Variants in TBC1D10A observed in about 807,000 individuals in gnomAD.
The protein encoded by TBC1D10A is TBC1 domain family member 10A, also known as EBP50-PDX interactor of 64 kDa.
A neutral mutation model predicts 52.9 loss-of-function variants in TBC1D10A; 24 were observed. The ratio of observed to expected loss-of-function variants is 0.45; its 90% confidence interval spans 0.33 to 0.64. The LOEUF (loss-of-function observed/expected upper bound fraction) is 0.64, where lower values mean the gene tolerates loss of function less well. TBC1D10A is among the 30% of genes least tolerant of loss of function. The pLI is 0.02. For synonymous variants in TBC1D10A, 278 were observed against 282.9 expected (o/e 0.98, Z 0.17); for missense variants, 602 against 687.9 (o/e 0.88, Z 1.40).
intron 1 of TBC1D10A, among the ~76,000 whole-genome samples, chr22:30,314,787 G>A (rs1930499022): frequency 6.6e-6 from 1 of 151,088 alleles, no homozygotes; most frequent in Admixed American, 6.6e-5. Flanking sequence ...CTCCAGCCTG[G>A]GTGAGAGAGG....
Position 30,295,119 on chromosome 22 carries a change from A to C in TBC1D10A, c.525-64T>G. 2.0e-6 allele frequency: 3 copies of C among 1,520,194 alleles called. No homozygotes were observed. In the South Asian group the frequency reaches 3.4e-5, roughly 17 times the overall value. The allele number at this position is 1,520,194 out of a possible 1,614,324, so 94.2% of individuals were successfully genotyped here. ...ACTCTGCTACCCACGGCCTTCACCT[A>C]TGCCCCAGTGGACCAGCCAGCCTCA... On this transcript the variant is annotated intron_variant, in intron 4 of 8. Transcript: ENST00000215790.
At position 30,299,449 on chromosome 22, in the gene TBC1D10A, A is replaced by C. The variant is rs750757107; in HGVS notation, c.412T>G (p.Phe138Val). Reference sequence around the variant, plus strand: ...GCAAAGGAAGGGAAACTTACGTCAAACTTTCCAGGGTTCTGCTGTAACTTC... The same window carrying C: ...GCAAAGGAAGGGAAACTTACGTCAACCTTTCCAGGGTTCTGCTGTAACTTC... The part of the protein sequence containing the change: ...KVKLQQNPGK[F>V]DELDMSPGDP... The change falls in exon 3 of 9, where the codon TTT becomes GTT. Residue 138 changes from phenylalanine (F) to valine (V), a missense_variant. Around this residue, in one of 3 missense-constraint regions of TBC1D10A, gnomAD observed 201 missense variants for 204.4 expected, o/e 0.98. Transcript: ENST00000215790. The C allele has an allele frequency of 6.2e-7, 1 of 1,614,040 alleles. No individual in the cohort carries two copies. Among genetic ancestry groups the C allele is most frequent in the South Asian group, 1.1e-5 (1 of 91,068 alleles).
intron 2 of TBC1D10A, among the ~76,000 whole-genome samples, chr22:30,302,834 C>A (rs145201414): frequency 6.6e-6 from 1 of 152,326 alleles, no homozygotes; most frequent in African/African-American, 2.4e-5. Context: ...TTCAAGAACA[C>A]GGAAGGTCCC....
intron 1 of TBC1D10A, among the ~76,000 whole-genome samples, chr22:30,325,932 G>T (rs2145790063): frequency 6.6e-6 from 1 of 152,242 alleles, no homozygotes; most frequent in South Asian, 2.1e-4. Context: ...GGGGCTCCCT[G>T]TCGCCCTGTA....
In TBC1D10A at chr22:30,304,668, G is replaced by A. The variant is rs199562987; in HGVS notation, c.210-38C>T. On this transcript the variant is annotated intron_variant, in intron 1 of 8. Coordinates refer to ENST00000215790, the MANE Select transcript of TBC1D10A (RefSeq NM_031937.3). ...GGGCAGGGCCTGTGAGAGGTGCCAA[G>A]GGAAGCAAAGGCCCTGGCTTCATTC... 1.0e-5 allele frequency: 16 copies of A among 1,605,508 alleles called. No homozygotes were observed. The East Asian group carries it at 2.9e-4, about 29-fold the overall frequency.
chr22:30,311,565 T>A (rs1029608121), intron 1 of TBC1D10A, among the ~76,000 whole-genome samples: 1 of 152,144 alleles, frequency 6.6e-6, no homozygotes, highest in African/African-American at 2.4e-5. Context: ...GCTGGGTCAG[T>A]GCACAATGGT....
Position 30,294,017 on chromosome 22 carries a change from G to A in TBC1D10A, c.799C>T (p.Pro267Ser). The change falls in exon 7 of 9, where the codon CCG becomes TCG. Residue 267 changes from proline (P) to serine (S), a missense_variant. This residue lies in a region of TBC1D10A where 136 missense variants were observed against 208.4 expected (regional missense o/e 0.65). Transcript: ENST00000215790. ...HKHLSRQKID[P>S]LLYMTEWFMC... is the part of the protein sequence containing the mutation. The stretch of plus-strand genomic sequence containing the variant: ...AACCATTCTGTCATATAGAGGAGCG[G>A]GTCGATCTTCTGACGGCTGAGGTGC... The A allele has an allele frequency of 1.9e-6, 3 of 1,614,160 alleles. No homozygotes were observed. The highest frequency in any genetic ancestry group is 2.5e-6 in the Non-Finnish European group (3 of 1,180,032).
intron 2 of TBC1D10A, 52 bp from the exon 3 acceptor site, chr22:30,299,603 T>G: frequency 1.9e-6 from 3 of 1,565,530 alleles, no homozygotes; most frequent in Non-Finnish European, 2.6e-6. Context: ...GCAGCTCCCC[T>G]AGCCCAGCCC....
At chr22:30,304,254 G>A (rs1037921944) in intron 2 of TBC1D10A, among the ~76,000 whole-genome samples, 1 of 152,216 alleles carries the variant, frequency 6.6e-6, no homozygotes, top group Admixed American at 6.5e-5. Flanking sequence ...CCCCTGGGAA[G>A]GCTAGAAGAA....
chr22:30,309,117 G>C (rs947445621), intron 1 of TBC1D10A, among the ~76,000 whole-genome samples: 2 of 152,258 alleles, frequency 1.3e-5, no homozygotes, highest in East Asian at 3.9e-4. Context: ...CCCTCCTCCA[G>C]TGTTGTGACT....
At chr22:30,299,640 G>A in intron 2 of TBC1D10A, 89 bp from the exon 3 acceptor site, 1 of 1,195,706 alleles carries the variant, frequency 8.4e-7, no homozygotes, top group Non-Finnish European at 1.2e-6. Flanking sequence ...TGGGCCCTCA[G>A]TGCACACAGC....
chr22:30,303,636 G>A (rs1473257432), intron 2 of TBC1D10A, among the ~76,000 whole-genome samples: 2 of 152,242 alleles, frequency 1.3e-5, no homozygotes, highest in Non-Finnish European at 2.9e-5. Context: ...TGTGAGGCCC[G>A]GCAGCCAGCT....
chr22:30,293,182 C>A (rs1189440325), intron 8 of TBC1D10A: 6 of 640,980 alleles, frequency 9.4e-6, no homozygotes, highest in South Asian at 4.6e-5. Context: ...CTGCCCAGGG[C>A]AGCCTGGCTG....
Position 30,326,845 on chromosome 22 carries a change from G to T in TBC1D10A, c.37C>A (p.Pro13Thr), listed in dbSNP as rs543791449. ...CCCGACAGGCTTTCCCCGGCCGCGG[G>T]CGCGCGCGGCCCATTCTCTCCGTTG... is the stretch of plus-strand genomic sequence containing the variant. ...KSNGENGPRAPAAGESLSGTR... is the reference protein window; with the variant it reads ...KSNGENGPRATAAGESLSGTR... Residue 13 changes from proline to threonine, a missense_variant, in exon 1 of 9, where the codon CCC becomes ACC. Transcript: ENST00000215790. The T allele has an allele frequency of 2.7e-6, 4 of 1,474,286 alleles. No homozygotes were observed. The African/African-American group carries it at 4.4e-5, about 16-fold the overall frequency. The allele number at this position is 1,474,286 out of a possible 1,614,324, so 91.3% of individuals were successfully genotyped here. A position where few individuals can be genotyped will look rare whatever the true frequency, so the allele number is the denominator to read the frequency against.
chr22:30,293,285 T>G (rs1319373725), intron 8 of TBC1D10A: 1 of 601,154 alleles, frequency 1.7e-6, no homozygotes, highest in East Asian at 3.9e-5. Flanking sequence ...TCCTCATGTG[T>G]AAAAGCTGGT....
In TBC1D10A at chr22:30,294,054, C is replaced by T. The variant is rs375538912; in HGVS notation, c.762G>A (p.Pro254=). The T allele has an allele frequency of 1.5e-5, 24 of 1,613,970 alleles. No individual in the cohort carries two copies. The African/African-American group carries it at 2.3e-4, about 15-fold the overall frequency. The change falls in exon 7 of 9, where the codon CCG becomes CCA. Residue 254 remains proline, a synonymous_variant. Transcript: ENST00000215790. ...ILFSLLQKVS[P]VAHKHLSRQK... ...GACGGCTGAGGTGCTTGTGGGCCAC[C>T]GGCGACACCTTCTGCAACAGCGAGA...
rs1019747081 is a variant in TBC1D10A at position 30,294,916 on chromosome 22, C to G, written c.639+25G>C. On this transcript the variant is annotated intron_variant, in intron 5 of 8. Coordinates refer to ENST00000215790, the MANE Select transcript of TBC1D10A (RefSeq NM_031937.3). ...CGTTGGGGGTTCCCCACCCACCCCC[C>G]TGCCTGCCCGGGGCCTGGTGGTACC... 3.7e-6 allele frequency: 6 copies of G among 1,613,876 alleles called. No individual in the cohort carries two copies. In the African/African-American group the frequency reaches 6.7e-5, roughly 18 times the overall value.
chr22:30,318,865 G>A (rs1003214969), intron 1 of TBC1D10A: 1 of 373,568 alleles, frequency 2.7e-6, no homozygotes, highest in African/African-American at 2.1e-5. Flanking sequence ...TGCAACACAG[G>A]AGGCCTCAGC....
At chr22:30,308,277 A>AGCCTGCCT (rs1930350323) in intron 1 of TBC1D10A, among the ~76,000 whole-genome samples, 1 of 81,172 alleles carries the variant, frequency 1.2e-5, no homozygotes, top group African/African-American at 6.9e-5. Flanking sequence ...GCCTCCACAC[A>AGCCTGCCT]GCCTGCATGC....
Sources: allele counts gnomAD v4.1 joint callset (sites outside exome capture counted in the v4.1 genomes callset), GRCh38; gene constraint gnomAD v4.1.1; regional missense constraint gnomAD v4.1.1; transcripts MANE v1.5; gene names NCBI Gene and HGNC (gene_info 2026-07-23, HGNC 2026-07-21).